IMMP2L: variants seen among roughly 807,000 people sequenced by gnomAD.
IMMP2L encodes the protein mitochondrial inner membrane protease subunit 2.
IMMP2L carries 18 observed loss-of-function variants against 19.3 expected under a neutral mutation model. The observed-to-expected ratio is 0.93, with a 90% CI of 0.64 to 1.38. The LOEUF (loss-of-function observed/expected upper bound fraction) is 1.38. Among genes scored for constraint, IMMP2L ranks in the 40% most tolerant of loss-of-function variants. The pLI, the probability that IMMP2L is intolerant of heterozygous loss-of-function variation, is 0.00. For missense variants in IMMP2L, 233 were observed against 218.2 expected, an observed-to-expected ratio of 1.07 and a Z score of -0.43; for synonymous variants, 76 against 73.0, an observed-to-expected ratio of 1.04 and a Z score of -0.21.
chr7:111,359,713 C>T (rs1022570667), intron 3 of IMMP2L, among the ~76,000 whole-genome samples: 1 of 152,088 alleles, frequency 6.6e-6, no homozygotes. Context: ...AAGAAATAAA[C>T]TTTCATTGTG....
At chr7:110,759,051 GA>G (rs1798198048) in intron 5 of IMMP2L, among the ~76,000 whole-genome samples, 2 of 152,054 alleles carry the variant, frequency 1.3e-5, no homozygotes, top group African/African-American at 4.8e-5. Context: ...TCATTTCTGA[GA>G]AAACTGTTTT....
chr7:110,681,450 T>C (rs1258374168), intron 5 of IMMP2L, among the ~76,000 whole-genome samples: 2 of 152,088 alleles, frequency 1.3e-5, no homozygotes, highest in Non-Finnish European at 2.9e-5. Context: ...TGCCACTCTG[T>C]TTTGGAATTG....
chr7:111,178,559 A>C (rs1479432634), intron 3 of IMMP2L, among the ~76,000 whole-genome samples: 1 of 152,096 alleles, frequency 6.6e-6, no homozygotes, highest in Non-Finnish European at 1.5e-5. Flanking sequence ...TTTGAAATTG[A>C]AGTCAATCCT....
intron 3 of IMMP2L, among the ~76,000 whole-genome samples, chr7:111,053,195 T>C (rs1793158225): frequency 6.6e-6 from 1 of 152,204 alleles, no homozygotes; most frequent in Non-Finnish European, 1.5e-5. Context: ...TTGAAAGATA[T>C]GTGCATGATT....
chr7:111,464,929 C>T (rs13246761), intron 3 of IMMP2L, among the ~76,000 whole-genome samples: 1 of 152,110 alleles, frequency 6.6e-6, no homozygotes, highest in African/African-American at 2.4e-5. Context: ...GCTGGGACTA[C>T]AGGCGCCCGC....
At chr7:110,691,868 T>C (rs1435310193) in intron 5 of IMMP2L, among the ~76,000 whole-genome samples, 2 of 152,192 alleles carry the variant, frequency 1.3e-5, no homozygotes, top group Non-Finnish European at 2.9e-5. Context: ...GAATGTAAAT[T>C]AGTGCAACCT....
At chr7:110,713,059 T>G (rs1795001787) in intron 5 of IMMP2L, among the ~76,000 whole-genome samples, 2 of 152,228 alleles carry the variant, frequency 1.3e-5, no homozygotes, top group Non-Finnish European at 2.9e-5. Flanking sequence ...CACTTAAATT[T>G]TTAATCCATC....
At chr7:110,921,935 C>A (rs1319358083) in intron 4 of IMMP2L, among the ~76,000 whole-genome samples, 1 of 152,258 alleles carries the variant, frequency 6.6e-6, no homozygotes, top group Middle Eastern at 3.4e-3. Flanking sequence ...ATTATCTTTT[C>A]TTGCAGTGGC....
In IMMP2L at chr7:110,662,817, T is replaced by C. The variant is rs993829142; in HGVS notation, c.*785A>G. Among the ~76,000 whole-genome samples, 3 of 152,194 alleles carry C rather than the reference T, an allele frequency of 2.0e-5. No individual in the cohort carries two copies. The highest frequency in any genetic ancestry group is 4.4e-5 in the Non-Finnish European group (3 of 68,024). ...TTTTTTCTTCTATTTCACTCAGAACTTTTAAACACATAGTATGACTAAATG... is the reference window on the plus strand; with the variant it reads ...TTTTTTCTTCTATTTCACTCAGAACCTTTAAACACATAGTATGACTAAATG... On this transcript the variant is annotated 3_prime_UTR_variant, in exon 6 of 6. Coordinates refer to ENST00000405709, the MANE Select transcript of IMMP2L (RefSeq NM_032549.4).
chr7:111,525,806 C>T (rs182188791), intron 1 of IMMP2L, among the ~76,000 whole-genome samples: 1 of 151,638 alleles, frequency 6.6e-6, no homozygotes, highest in Admixed American at 6.6e-5. Flanking sequence ...TTTTTTTTGG[C>T]AAACAAGCAG....
chr7:111,364,843 C>T (rs907976158), intron 3 of IMMP2L, among the ~76,000 whole-genome samples: 2 of 150,836 alleles, frequency 1.3e-5, no homozygotes, highest in East Asian at 2.0e-4. Context: ...TGGTGGCAGG[C>T]GCTGTAATCC....
At chr7:110,969,210 CAGT>C (rs1356744848) in intron 3 of IMMP2L, among the ~76,000 whole-genome samples, 6 of 152,056 alleles carry the variant, frequency 3.9e-5, no homozygotes, top group Admixed American at 3.9e-4. Context: ...GCTTCACTAT[CAGT>C]AGTGTGAACT....
At chr7:111,536,316 G>A in intron 1 of IMMP2L, among the ~76,000 whole-genome samples, 1 of 151,726 alleles carries the variant, frequency 6.6e-6, no homozygotes, top group East Asian at 1.9e-4. Flanking sequence ...TTGTTTTTTG[G>A]GGTTTTTTTG....
At chr7:111,438,350 A>G (rs565256044) in intron 3 of IMMP2L, among the ~76,000 whole-genome samples, 2 of 151,736 alleles carry the variant, frequency 1.3e-5, no homozygotes, top group Non-Finnish European at 2.9e-5. Context: ...ACATTTTTTT[A>G]TAAACTGTCA....
chr7:110,988,774 A>G lies in IMMP2L; in HGVS notation c.240-25209T>C, dbSNP rs1318599804. Among the ~76,000 whole-genome samples, 16 of 152,202 alleles carry G rather than the reference A, an allele frequency of 1.1e-4. 1 individual carries two copies. The highest frequency in any genetic ancestry group is 1.3e-4 in the Non-Finnish European group (9 of 68,034). ...GTGAATTATTGTATTCCTAAAAAGGAATAGTATGTATTCAAAAAACATGAT... is the reference window on the plus strand; with the variant it reads ...GTGAATTATTGTATTCCTAAAAAGGGATAGTATGTATTCAAAAAACATGAT... On this transcript the variant is annotated intron_variant, in intron 3 of 5. Transcript: ENST00000405709.
At chr7:110,858,827 C>G (rs1335085450) in intron 5 of IMMP2L, among the ~76,000 whole-genome samples, 1 of 151,278 alleles carries the variant, frequency 6.6e-6, no homozygotes, top group Non-Finnish European at 1.5e-5. Flanking sequence ...TTCTTCAATT[C>G]CCACCTGTGA....
intron 3 of IMMP2L, among the ~76,000 whole-genome samples, chr7:111,049,148 T>TGGG (rs1279812796): frequency 2.0e-5 from 2 of 99,746 alleles, no homozygotes; most frequent in African/African-American, 7.5e-5. Context: ...TTTTTTTTTT[T>TGGG]GGGACGGAGT....
chr7:110,695,935 C>T (rs1257526134), intron 5 of IMMP2L, among the ~76,000 whole-genome samples: 1 of 152,220 alleles, frequency 6.6e-6, no homozygotes, highest in Non-Finnish European at 1.5e-5. Flanking sequence ...AAAGCTAACA[C>T]TCTAATACAG....
At chr7:111,323,003 G>A (rs1824903711) in intron 3 of IMMP2L, among the ~76,000 whole-genome samples, 1 of 151,254 alleles carries the variant, frequency 6.6e-6, no homozygotes. Context: ...TCCCACATTT[G>A]CAAACTCTTC....
Sources: allele counts gnomAD v4.1 joint callset (sites outside exome capture counted in the v4.1 genomes callset), GRCh38; gene constraint gnomAD v4.1.1; transcripts MANE v1.5; gene names NCBI Gene and HGNC (gene_info 2026-07-23, HGNC 2026-07-21).